CTNNA3: variants seen among roughly 807,000 people sequenced by gnomAD.
CTNNA3 encodes the protein catenin alpha 3.
In CTNNA3, 76 loss-of-function variants were observed where a neutral mutation model predicts 95.7. That is an observed-to-expected ratio of 0.79 (90% confidence interval 0.66 to 0.96). CTNNA3 has a LOEUF of 0.96. Ranked by LOEUF, CTNNA3 falls within the 40% of genes least tolerant of loss-of-function variation. The pLI, the probability that CTNNA3 is intolerant of heterozygous loss-of-function variation, is 0.00. For missense variants in CTNNA3, 1,191 were observed against 1,089.8 expected, an observed-to-expected ratio of 1.09 and a Z score of -1.31; for synonymous variants, 431 against 374.4, an observed-to-expected ratio of 1.15 and a Z score of -1.74.
intron 17 of CTNNA3, among the ~76,000 whole-genome samples, chr10:65,944,890 A>ATCTATCTATCTATCTATCTATCTT (rs1468556802): frequency 1.0e-5 from 1 of 96,434 alleles, no homozygotes; most frequent in African/African-American, 3.1e-5. Flanking sequence ...CTATCTATCT[A>ATCTATCTATCTATCTATCTATCTT]TCTATCTATC....
At chr10:66,446,250 G>A (rs542393200) in intron 11 of CTNNA3, among the ~76,000 whole-genome samples, 10 of 152,312 alleles carry the variant, frequency 6.6e-5, no homozygotes, top group African/African-American at 2.4e-4. Flanking sequence ...AAGATACAAA[G>A]AGGAGCTGGT....
At chr10:67,683,320 T>C (rs1471689358) in intron 1 of CTNNA3, among the ~76,000 whole-genome samples, 1 of 152,138 alleles carries the variant, frequency 6.6e-6, no homozygotes, top group Non-Finnish European at 1.5e-5. Flanking sequence ...AACACACACA[T>C]TAGAAAGGAA....
intron 17 of CTNNA3, among the ~76,000 whole-genome samples, chr10:65,964,237 G>T (rs2133249869): frequency 6.6e-6 from 1 of 152,250 alleles, no homozygotes; most frequent in Non-Finnish European, 1.5e-5. Context: ...GTGTGCTTTG[G>T]CACACGTAAA....
intron 13 of CTNNA3, among the ~76,000 whole-genome samples, chr10:66,161,124 T>A (rs1368871477): frequency 6.6e-6 from 1 of 152,216 alleles, no homozygotes; most frequent in Non-Finnish European, 1.5e-5. Context: ...TGAGTCCTCA[T>A]GCATTCTGCA....
chr10:67,444,888 G>C (rs1255372403), intron 5 of CTNNA3, among the ~76,000 whole-genome samples: 4 of 151,972 alleles, frequency 2.6e-5, no homozygotes, highest in Non-Finnish European at 5.9e-5. Flanking sequence ...TAAGCAAAGA[G>C]ATCCAAGCCA....
intron 11 of CTNNA3, among the ~76,000 whole-genome samples, chr10:66,421,898 A>ATGTGTATATATATATATG (rs1491255116): frequency 2.5e-5 from 1 of 40,336 alleles, no homozygotes; most frequent in Admixed American, 2.4e-4. Flanking sequence ...AATAAATGTG[A>ATGTGTATATATATATATG]TATATATATA....
At chr10:66,738,939 C>G (rs1286983658) in intron 9 of CTNNA3, among the ~76,000 whole-genome samples, 1 of 152,156 alleles carries the variant, frequency 6.6e-6, no homozygotes, top group Non-Finnish European at 1.5e-5. Flanking sequence ...CTTTTCACCT[C>G]TAAACATGCT....
At chr10:66,881,984 A>G (rs1844867694) in intron 7 of CTNNA3, among the ~76,000 whole-genome samples, 1 of 152,092 alleles carries the variant, frequency 6.6e-6, no homozygotes, top group South Asian at 2.1e-4. Flanking sequence ...AGCCTTAACA[A>G]ATGACCTTCT....
At chr10:67,152,578 C>T (rs561558907) in intron 7 of CTNNA3, among the ~76,000 whole-genome samples, 79 of 152,146 alleles carry the variant, frequency 5.2e-4, no homozygotes, top group African/African-American at 1.8e-3. Flanking sequence ...TAAGCATTTT[C>T]AAATGAATAA....
rs142460293 is a variant in CTNNA3 at position 67,595,759 on chromosome 10, T to C, written c.292+11098A>G. Among the ~76,000 whole-genome samples, 101 of 152,266 alleles carry C rather than the reference T, an allele frequency of 6.6e-4. No individual in the cohort carries two copies. In the East Asian group the frequency reaches 0.019, roughly 28 times the overall value. ...AAGTCTCCCACTATTATAGTGTGGT[T>C]ATCTATCTTTATAGGTCTGTAAGAA... On this transcript the variant is annotated intron_variant, in intron 3 of 17. Coordinates refer to ENST00000433211, the MANE Select transcript of CTNNA3 (RefSeq NM_013266.4).
Position 66,646,518 on chromosome 10 carries a change from T to C in CTNNA3, c.1282-24734A>G, listed in dbSNP as rs1452913564. ...CAATAAAGACATGTCTGTATGGAAA[T>C]ACAGACATCTTTTGTTGGTAATCTG... On this transcript the variant is annotated intron_variant, in intron 9 of 17. Transcript: ENST00000433211. Among the ~76,000 whole-genome samples, 3 of 152,098 alleles carry C rather than the reference T, an allele frequency of 2.0e-5. No homozygotes were observed. The East Asian group carries it at 5.8e-4, about 29-fold the overall frequency.
intron 9 of CTNNA3, among the ~76,000 whole-genome samples, chr10:66,634,773 T>A (rs1336593045): frequency 1.3e-5 from 2 of 152,146 alleles, no homozygotes; most frequent in African/African-American, 4.8e-5. Flanking sequence ...TATTCATTTG[T>A]CTAAGTGGAC....
At chr10:67,563,560 A>G (rs1841624329) in intron 3 of CTNNA3, among the ~76,000 whole-genome samples, 1 of 152,214 alleles carries the variant, frequency 6.6e-6, no homozygotes, top group African/African-American at 2.4e-5. Flanking sequence ...CCTAGGCATT[A>G]CCATTCAGGA....
At chr10:66,188,058 G>C (rs771137931) in intron 13 of CTNNA3, among the ~76,000 whole-genome samples, 14 of 152,066 alleles carry the variant, frequency 9.2e-5, no homozygotes, top group Non-Finnish European at 1.8e-4. Flanking sequence ...TCACCAACTA[G>C]AAATTTTGGA....
intron 7 of CTNNA3, among the ~76,000 whole-genome samples, chr10:67,021,123 T>C (rs1315447837): frequency 6.6e-6 from 1 of 152,082 alleles, no homozygotes; most frequent in Non-Finnish European, 1.5e-5. Context: ...AGATAAAATG[T>C]GACGGAAGAG....
At chr10:66,240,033 T>C (rs771543549) in intron 13 of CTNNA3, among the ~76,000 whole-genome samples, 10 of 152,048 alleles carry the variant, frequency 6.6e-5, no homozygotes, top group Non-Finnish European at 1.3e-4. Flanking sequence ...TCTATATCTA[T>C]AGTTATAGAT....
chr10:66,523,524 A>G (rs1273189386), intron 10 of CTNNA3, among the ~76,000 whole-genome samples: 1 of 152,226 alleles, frequency 6.6e-6, no homozygotes, highest in Non-Finnish European at 1.5e-5. Flanking sequence ...AATTTTAGCC[A>G]TATATCTAGA....
chr10:67,232,580 G>A (rs1233936302), intron 5 of CTNNA3, among the ~76,000 whole-genome samples: 1 of 151,882 alleles, frequency 6.6e-6, no homozygotes, highest in Admixed American at 6.6e-5. Context: ...AGACCATCGA[G>A]ACTAGGAAAA....
intron 13 of CTNNA3, among the ~76,000 whole-genome samples, chr10:66,159,877 G>C (rs977063167): frequency 6.6e-6 from 1 of 151,738 alleles, no homozygotes; most frequent in African/African-American, 2.4e-5. Flanking sequence ...TCTGCTCAGG[G>C]TATCTAATTT....
Sources: allele counts gnomAD v4.1 joint callset (sites outside exome capture counted in the v4.1 genomes callset), GRCh38; gene constraint gnomAD v4.1.1; transcripts MANE v1.5; gene names NCBI Gene and HGNC (gene_info 2026-07-23, HGNC 2026-07-21).